The following TENM2 variants were observed in gnomAD, a reference collection of about 807,000 sequenced individuals.
TENM2 encodes teneurin-2.
TENM2 carries 52 observed loss-of-function variants against 245.2 expected under a neutral mutation model. That is an observed-to-expected ratio of 0.21 (90% CI 0.17 to 0.27). TENM2 has a LOEUF of 0.27. Ranked by LOEUF, TENM2 falls within the 10% of genes least tolerant of loss-of-function variation. The pLI, the probability that TENM2 is intolerant of heterozygous loss-of-function variation, is 1.00. For missense variants in TENM2, 3,046 were observed against 3,666.8 expected (o/e 0.83, Z 4.37); for synonymous variants, 1,363 against 1,438.9 (o/e 0.95, Z 1.19).
chr5:168,143,751 T>TG (rs112388470), intron 12 of TENM2, among the ~76,000 whole-genome samples: 2,483 of 151,000 alleles, frequency 0.016, 69 homozygotes, highest in African/African-American at 0.057. Context: ...AAGGAGAAGG[T>TG]GGGGCAAGGG....
intron 2 of TENM2, among the ~76,000 whole-genome samples, chr5:167,420,584 A>G (rs187791642): frequency 7.2e-5 from 11 of 152,294 alleles, no homozygotes; most frequent in African/African-American, 2.6e-4. Flanking sequence ...TTCCTGCCTG[A>G]AATGTTCTGC....
chr5:168,257,719 G>A (rs371462715), intron 27 of TENM2, among the ~76,000 whole-genome samples: 6 of 151,282 alleles, frequency 4.0e-5, no homozygotes, highest in South Asian at 2.1e-4. Flanking sequence ...GGGTTCAAGC[G>A]ATTCTCCTGC....
chr5:167,544,383 G>A (rs539697372), intron 2 of TENM2, among the ~76,000 whole-genome samples: 1 of 152,124 alleles, frequency 6.6e-6, no homozygotes, highest in Admixed American at 6.5e-5. Flanking sequence ...TGAAAATCAC[G>A]CGGTGCCATT....
At chr5:167,913,485 G>A (rs1320283737) in intron 3 of TENM2, among the ~76,000 whole-genome samples, 1 of 152,128 alleles carries the variant, frequency 6.6e-6, no homozygotes, top group Non-Finnish European at 1.5e-5. Flanking sequence ...GAGAAAAAAA[G>A]CAACATGTTC....
intron 3 of TENM2, among the ~76,000 whole-genome samples, chr5:167,944,476 G>A (rs1246728129): frequency 2.6e-5 from 4 of 151,726 alleles, no homozygotes; most frequent in Non-Finnish European, 5.9e-5. Flanking sequence ...GCTTCAGGTT[G>A]CCAGGGGAAG....
At chr5:167,267,398 A>G in the TENM2 span, among the ~76,000 whole-genome samples, 4 of 152,066 alleles carry the variant, frequency 2.6e-5, no homozygotes, top group African/African-American at 4.8e-5. Context: ...CCTTATTTTT[A>G]TAATCAAAGG....
At chr5:167,951,846 G>A (rs1466918384) in intron 3 of TENM2, among the ~76,000 whole-genome samples, 7 of 151,060 alleles carry the variant, frequency 4.6e-5, no homozygotes, top group Non-Finnish European at 8.9e-5. Flanking sequence ...ACGCAAATAT[G>A]TGTGTATACA....
At chr5:167,702,429 T>G (rs1272840070) in intron 2 of TENM2, among the ~76,000 whole-genome samples, 1 of 151,944 alleles carries the variant, frequency 6.6e-6, no homozygotes, top group Non-Finnish European at 1.5e-5. Context: ...CACACTTGCT[T>G]ATACACTGAT....
At chr5:166,997,309 T>C in the TENM2 span, among the ~76,000 whole-genome samples, 1 of 152,198 alleles carries the variant, frequency 6.6e-6, no homozygotes, top group Non-Finnish European at 1.5e-5. Flanking sequence ...ACATATATTA[T>C]ATAATCCTCA....
intron 5 of TENM2, among the ~76,000 whole-genome samples, chr5:168,027,333 A>C (rs777394837): frequency 2.6e-5 from 4 of 152,166 alleles, no homozygotes; most frequent in Non-Finnish European, 4.4e-5. Context: ...TCCCCCTTAC[A>C]TCCAAACATA....
chr5:167,510,448 C>T (rs966055862), intron 2 of TENM2, among the ~76,000 whole-genome samples: 6 of 152,124 alleles, frequency 3.9e-5, no homozygotes, highest in Non-Finnish European at 8.8e-5. Flanking sequence ...TTGAAAATGC[C>T]ATTGCTCTTG....
chr5:167,339,767 G>A (rs775386792), intron 1 of TENM2, among the ~76,000 whole-genome samples: 19 of 151,966 alleles, frequency 1.3e-4, no homozygotes, highest in South Asian at 2.1e-4. Context: ...AATTAACGCC[G>A]TTATAAAAGG....
chr5:167,770,447 G>A (rs1270476043), intron 2 of TENM2, among the ~76,000 whole-genome samples: 1 of 152,168 alleles, frequency 6.6e-6, no homozygotes, highest in African/African-American at 2.4e-5. Flanking sequence ...GCAATGTTAG[G>A]AGCTTTGTCT....
chr5:167,593,973 T>C (rs1776039224), intron 2 of TENM2, among the ~76,000 whole-genome samples: 2 of 152,364 alleles, frequency 1.3e-5, no homozygotes, highest in East Asian at 3.9e-4. Flanking sequence ...GATTTAGAGA[T>C]GACTGAGGTA....
chr5:167,082,672 T>C, the TENM2 span, among the ~76,000 whole-genome samples: 2 of 152,178 alleles, frequency 1.3e-5, no homozygotes, highest in African/African-American at 2.4e-5. Flanking sequence ...GTGACTCTAA[T>C]AACTCTCTTA....
At chr5:167,730,887 G>C (rs1202263720) in intron 2 of TENM2, among the ~76,000 whole-genome samples, 1 of 152,080 alleles carries the variant, frequency 6.6e-6, no homozygotes, top group South Asian at 2.1e-4. Flanking sequence ...GATAATAAGC[G>C]TACCAATATA....
At chr5:168,223,466 AT>A (rs1295606507) in intron 23 of TENM2, among the ~76,000 whole-genome samples, 1 of 135,834 alleles carries the variant, frequency 7.4e-6, no homozygotes, top group Non-Finnish European at 1.5e-5. Context: ...ATTACAAGTA[AT>A]TTCTTTTTTT....
chr5:167,232,516 G>T, the TENM2 span, among the ~76,000 whole-genome samples: 1 of 151,958 alleles, frequency 6.6e-6, no homozygotes, highest in Non-Finnish European at 1.5e-5. Context: ...GGGATTACAG[G>T]CCCCTGCCAC....
chr5:167,379,281 A>G (rs1760952538), intron 2 of TENM2, among the ~76,000 whole-genome samples: 2 of 152,134 alleles, frequency 1.3e-5, no homozygotes, highest in African/African-American at 4.8e-5. Flanking sequence ...CTTTTGGCAA[A>G]AGGTCTGTAG....
Sources: gnomAD v4.1 joint callset for allele counts (sites outside exome capture counted in the v4.1 genomes callset) on GRCh38, gnomAD v4.1.1 for gene constraint, MANE v1.5 for transcripts, NCBI Gene and HGNC (gene_info 2026-07-23, HGNC 2026-07-21) for gene names.